The following GALNT1 variants were observed in gnomAD, a reference collection of about 807,000 sequenced individuals.
The protein encoded by GALNT1 is GalNAc transferase 1.
In GALNT1, 17 loss-of-function variants were observed where a neutral mutation model predicts 65.7. The ratio of observed to expected loss-of-function variants is 0.26; its 90% CI spans 0.18 to 0.39. The LOEUF is 0.39. Ranked by LOEUF, GALNT1 falls within the 10% of genes least tolerant of loss-of-function variation. The probability of loss-of-function intolerance (pLI) is 1.00; values close to 1 mark genes in which losing one functional copy is unlikely to be tolerated. For missense variants in GALNT1, 460 were observed against 672.8 expected (o/e 0.68, Z 3.50); for synonymous variants, 210 against 219.7 (o/e 0.96, Z 0.39).
chr18:35,666,007 C>T (rs1287110857), intron 3 of GALNT1, among the ~76,000 whole-genome samples: 2 of 152,044 alleles, frequency 1.3e-5, no homozygotes, highest in African/African-American at 2.4e-5. Context: ...CAGGCAGAGG[C>T]GACCAGCCCA....
intron 7 of GALNT1, 76 bp downstream of exon 7, chr18:35,689,366 A>G: frequency 1.2e-6 from 1 of 838,292 alleles, no homozygotes; most frequent in Non-Finnish European, 1.9e-6. Context: ...ATGTATCTCT[A>G]CATAAAAAAT....
chr18:35,657,849 G>T (rs566706914), intron 2 of GALNT1, among the ~76,000 whole-genome samples: 1 of 152,094 alleles, frequency 6.6e-6, no homozygotes, highest in African/African-American at 2.4e-5. Flanking sequence ...TGTAGTATAC[G>T]GTAGTTACAA....
At chr18:35,679,425 G>C (rs1204865784) in intron 4 of GALNT1, among the ~76,000 whole-genome samples, 1 of 152,160 alleles carries the variant, frequency 6.6e-6, no homozygotes, top group East Asian at 1.9e-4. Context: ...TTTAAAAGGT[G>C]CAGGGTCCCA....
At chr18:35,648,435 A>C (rs1217815205) in intron 1 of GALNT1, among the ~76,000 whole-genome samples, 1 of 152,210 alleles carries the variant, frequency 6.6e-6, no homozygotes, top group Non-Finnish European at 1.5e-5. Flanking sequence ...TTTCGACTTA[A>C]GATGTTTTCA....
chr18:35,584,360 T>C (rs1019672109), intron 1 of GALNT1, among the ~76,000 whole-genome samples: 1 of 152,246 alleles, frequency 6.6e-6, no homozygotes, highest in Non-Finnish European at 1.5e-5. Context: ...AAGAGTGTTA[T>C]ACCATTGCAG....
chr18:35,649,618 A>AT (rs942266688), intron 1 of GALNT1, among the ~76,000 whole-genome samples: 1 of 151,804 alleles, frequency 6.6e-6, no homozygotes, highest in Non-Finnish European at 1.5e-5. Context: ...AGTCCAGTTT[A>AT]TTTTTTTTAA....
intron 1 of GALNT1, among the ~76,000 whole-genome samples, chr18:35,612,584 A>G (rs530623913): frequency 1.3e-5 from 2 of 152,294 alleles, no homozygotes; most frequent in Non-Finnish European, 2.9e-5. Context: ...TAACCTTTCT[A>G]GGCCGGGCGT....
At chr18:35,619,501 A>G (rs1265199053) in intron 1 of GALNT1, among the ~76,000 whole-genome samples, 1 of 152,160 alleles carries the variant, frequency 6.6e-6, no homozygotes, top group Non-Finnish European at 1.5e-5. Context: ...ACAGGAGGAA[A>G]AGTATGGCAC....
At chr18:35,669,771 A>G (rs2144512590) in intron 3 of GALNT1, among the ~76,000 whole-genome samples, 1 of 152,334 alleles carries the variant, frequency 6.6e-6, no homozygotes, top group African/African-American at 2.4e-5. Context: ...GAGATCTGGA[A>G]CATGACACAG....
chr18:35,709,832 C>A lies in GALNT1; in HGVS notation c.*62C>A. 6.3e-7 allele frequency: 1 copy of A among 1,579,294 alleles called. No individual in the cohort carries two copies. ...GACTGGGCTACCTCAGCATACATTTCTGCCACATTCTTAAGTAGCAAAAAA... is the reference window on the plus strand; with the variant it reads ...GACTGGGCTACCTCAGCATACATTTATGCCACATTCTTAAGTAGCAAAAAA... On this transcript the variant is annotated 3_prime_UTR_variant, in exon 12 of 12. Coordinates refer to ENST00000269195, the MANE Select transcript of GALNT1 (RefSeq NM_020474.4).
chr18:35,640,861 G>A (rs1598792350), intron 1 of GALNT1, among the ~76,000 whole-genome samples: 1 of 152,240 alleles, frequency 6.6e-6, no homozygotes, highest in East Asian at 1.9e-4. Context: ...CCACATAGGA[G>A]GGAATGACAT....
At chr18:35,603,978 G>T (rs1179998198) in intron 1 of GALNT1, among the ~76,000 whole-genome samples, 1 of 152,096 alleles carries the variant, frequency 6.6e-6, no homozygotes, top group Non-Finnish European at 1.5e-5. Flanking sequence ...TGTTACATGG[G>T]TATATTGCAT....
chr18:35,622,349 T>C (rs1217020863), intron 1 of GALNT1, among the ~76,000 whole-genome samples: 1 of 152,120 alleles, frequency 6.6e-6, no homozygotes, highest in Non-Finnish European at 1.5e-5. Flanking sequence ...CTTCCCAGGC[T>C]CAAGCAATTT....
intron 2 of GALNT1, among the ~76,000 whole-genome samples, chr18:35,655,142 AGCATTAAAATT>A (rs2047365344): frequency 6.6e-6 from 1 of 152,130 alleles, no homozygotes; most frequent in Non-Finnish European, 1.5e-5. Context: ...TGCTGAGTGG[AGCATTAAAATT>A]GCATTATAAG....
chr18:35,583,596 T>A (rs2046348592), intron 1 of GALNT1, among the ~76,000 whole-genome samples: 1 of 152,172 alleles, frequency 6.6e-6, no homozygotes, highest in Non-Finnish European at 1.5e-5. Flanking sequence ...GATAAACGAA[T>A]GAGTGTGCTA....
At chr18:35,664,479 C>T (rs2047517905) in intron 3 of GALNT1, 2 of 152,162 alleles carry the variant, frequency 1.3e-5, no homozygotes, top group Non-Finnish European at 2.9e-5. Flanking sequence ...ATTATTTCTA[C>T]TTTTTGACCC....
chr18:35,686,450 G>A (rs977483643), intron 5 of GALNT1, among the ~76,000 whole-genome samples: 3 of 152,216 alleles, frequency 2.0e-5, no homozygotes, highest in African/African-American at 2.4e-5. Context: ...TAGGCGTCAA[G>A]ACTTATTTTA....
intron 3 of GALNT1, among the ~76,000 whole-genome samples, chr18:35,673,183 T>A (rs1184766451): frequency 6.6e-6 from 1 of 152,194 alleles, no homozygotes; most frequent in African/African-American, 2.4e-5. Flanking sequence ...TAGTGACAGA[T>A]GAAATTTAAT....
chr18:35,630,731 C>G (rs2046994753), intron 1 of GALNT1, among the ~76,000 whole-genome samples: 1 of 152,060 alleles, frequency 6.6e-6, no homozygotes, highest in Non-Finnish European at 1.5e-5. Flanking sequence ...GATAGAGACA[C>G]AAAAAACCCT....
Sources: allele counts gnomAD v4.1 joint callset (sites outside exome capture counted in the v4.1 genomes callset), GRCh38; gene constraint gnomAD v4.1.1; transcripts MANE v1.5; gene names NCBI Gene and HGNC (gene_info 2026-07-23, HGNC 2026-07-21).